Variants in GRID2 observed in about 807,000 individuals in gnomAD.
GRID2 encodes the protein glutamate receptor ionotropic, delta-2.
Under a neutral mutation model 114.8 loss-of-function variants are expected in GRID2, and 33 were observed. The ratio of observed to expected loss-of-function variants is 0.29; its 90% CI spans 0.22 to 0.38. The LOEUF (loss-of-function observed/expected upper bound fraction) is 0.38, where lower values mean the gene tolerates loss of function less well. GRID2 is among the 10% of genes least tolerant of loss of function. GRID2 has a pLI of 1.00. For missense variants in GRID2, 1,184 were observed against 1,257.7 expected (o/e 0.94, Z 0.89); for synonymous variants, 505 against 449.9 (o/e 1.12, Z -1.55).
At chr4:92,978,603 GTA>G (rs1754009370) in intron 2 of GRID2, among the ~76,000 whole-genome samples, 1 of 152,012 alleles carries the variant, frequency 6.6e-6, no homozygotes, top group African/African-American at 2.4e-5. Flanking sequence ...TCCCTAGCAG[GTA>G]TAAAACAAAT....
intron 13 of GRID2, among the ~76,000 whole-genome samples, chr4:93,599,488 T>C (rs183065257): frequency 6.6e-6 from 1 of 152,368 alleles, no homozygotes; most frequent in East Asian, 1.9e-4. Flanking sequence ...TGAAACTTTC[T>C]GTAATTTTCT....
At chr4:93,502,000 A>G (rs947859697) in intron 12 of GRID2, among the ~76,000 whole-genome samples, 1 of 151,728 alleles carries the variant, frequency 6.6e-6, no homozygotes, top group African/African-American at 2.4e-5. Flanking sequence ...TCTATCCACC[A>G]CAAACTTATA....
chr4:93,133,638 T>C (rs1322304732), intron 4 of GRID2, among the ~76,000 whole-genome samples: 1 of 152,220 alleles, frequency 6.6e-6, no homozygotes, highest in Non-Finnish European at 1.5e-5. Flanking sequence ...TGGATTTTTT[T>C]TTCTGTAACT....
chr4:92,852,543 T>G (rs1743896275), intron 2 of GRID2, among the ~76,000 whole-genome samples: 1 of 152,002 alleles, frequency 6.6e-6, no homozygotes, highest in African/African-American at 2.4e-5. Context: ...TTTCACCCAT[T>G]TCTGCTTCAG....
intron 7 of GRID2, among the ~76,000 whole-genome samples, chr4:93,225,203 A>T (rs1054353983): frequency 1.3e-5 from 2 of 152,234 alleles, no homozygotes; most frequent in African/African-American, 2.4e-5. Flanking sequence ...TTATCTCATG[A>T]TAAGGATAGG....
intron 13 of GRID2, among the ~76,000 whole-genome samples, chr4:93,543,638 G>T (rs372088082): frequency 7.9e-5 from 12 of 151,868 alleles, no homozygotes; most frequent in African/African-American, 2.7e-4. Context: ...ATATCAAACG[G>T]CCTGGGAGTA....
intron 2 of GRID2, among the ~76,000 whole-genome samples, chr4:92,616,642 G>T (rs542441412): frequency 2.5e-4 from 38 of 150,386 alleles, no homozygotes; most frequent in African/African-American, 9.0e-4. Context: ...TTTTGTTTTT[G>T]TTCTTTGTTT....
chr4:93,132,014 A>C (rs1734850318), intron 4 of GRID2, among the ~76,000 whole-genome samples: 1 of 152,210 alleles, frequency 6.6e-6, no homozygotes, highest in African/African-American at 2.4e-5. Flanking sequence ...CCATAAGCAA[A>C]AAACACAAAC....
intron 13 of GRID2, among the ~76,000 whole-genome samples, chr4:93,575,055 G>A (rs933689088): frequency 6.6e-6 from 1 of 152,262 alleles, no homozygotes; most frequent in East Asian, 1.9e-4. Flanking sequence ...TTTACATAGT[G>A]GTTCAGGGAT....
At chr4:92,615,655 C>G (rs1474998087) in intron 2 of GRID2, among the ~76,000 whole-genome samples, 1 of 151,404 alleles carries the variant, frequency 6.6e-6, no homozygotes, top group Non-Finnish European at 1.5e-5. Context: ...CTGAATTGTG[C>G]TTTTTATTGC....
chr4:93,335,571 T>A (rs1047087018), intron 8 of GRID2, among the ~76,000 whole-genome samples: 1 of 152,200 alleles, frequency 6.6e-6, no homozygotes, highest in Admixed American at 6.5e-5. Context: ...CAATAACAAC[T>A]AAACTTTGTG....
At chr4:92,639,227 G>A (rs931374591) in intron 2 of GRID2, among the ~76,000 whole-genome samples, 1 of 151,598 alleles carries the variant, frequency 6.6e-6, no homozygotes, top group African/African-American at 2.4e-5. Context: ...CTAAAATATG[G>A]ATAGAGTTAC....
chr4:93,038,784 C>G (rs187052624), intron 2 of GRID2, among the ~76,000 whole-genome samples: 1 of 150,956 alleles, frequency 6.6e-6, no homozygotes, highest in African/African-American at 2.4e-5. Context: ...GAGTGAGACT[C>G]TGTCTCAAAA....
chr4:93,319,853 G>A (rs931667017), intron 8 of GRID2: 1 of 152,026 alleles, frequency 6.6e-6, no homozygotes, highest in Non-Finnish European at 1.5e-5. Flanking sequence ...TTTGGAAGTG[G>A]ATTATTTCTT....
chr4:92,559,531 T>A (rs1208876243), intron 1 of GRID2, among the ~76,000 whole-genome samples: 1 of 152,180 alleles, frequency 6.6e-6, no homozygotes, highest in Non-Finnish European at 1.5e-5. Flanking sequence ...GAGTTCTGGA[T>A]TCGACATGCT....
intron 1 of GRID2, among the ~76,000 whole-genome samples, chr4:92,456,906 T>C (rs1436400591): frequency 4.6e-5 from 7 of 152,252 alleles, no homozygotes; most frequent in Admixed American, 3.3e-4. Context: ...AAATAACAGG[T>C]ATGTTATGAA....
At chr4:92,649,938 G>A (rs1042048756) in intron 2 of GRID2, among the ~76,000 whole-genome samples, 11 of 151,874 alleles carry the variant, frequency 7.2e-5, no homozygotes, top group African/African-American at 1.5e-4. Flanking sequence ...GACTTAATAC[G>A]TTCAACTTAC....
intron 2 of GRID2, among the ~76,000 whole-genome samples, chr4:92,967,751 T>C (rs1753251242): frequency 6.6e-6 from 1 of 151,942 alleles, no homozygotes; most frequent in Non-Finnish European, 1.5e-5. Flanking sequence ...TGAAAATATA[T>C]TGTAGAATGT....
At chr4:92,929,537 A>G (rs1318046010) in intron 2 of GRID2, among the ~76,000 whole-genome samples, 6 of 151,386 alleles carry the variant, frequency 4.0e-5, no homozygotes, top group East Asian at 1.9e-4. Context: ...GATCAAAATA[A>G]CAGACTGACA....
Sources: allele counts gnomAD v4.1 joint callset (sites outside exome capture counted in the v4.1 genomes callset), GRCh38; gene constraint gnomAD v4.1.1; transcripts MANE v1.5; gene names NCBI Gene and HGNC (gene_info 2026-07-23, HGNC 2026-07-21).